The following LRBA variants were observed in gnomAD, a reference collection of about 807,000 sequenced individuals.
LRBA encodes the protein LPS responsive beige-like anchor protein, also known as lipopolysaccharide-responsive and beige-like anchor protein.
LRBA carries 176 observed loss-of-function variants against 330.0 expected under a neutral mutation model. That is an observed-to-expected ratio of 0.53 (90% confidence interval 0.47 to 0.60). The LOEUF (loss-of-function observed/expected upper bound fraction) is 0.60. Among genes scored for constraint, LRBA ranks in the 20% least tolerant of loss-of-function variants. The pLI is 0.00. For missense variants in LRBA, 3,259 were observed against 3,444.8 expected (o/e 0.95, Z 1.35); for synonymous variants, 1,230 against 1,193.0 (o/e 1.03, Z -0.64).
chr4:150,643,342 A>C (rs1452173967), intron 37 of LRBA, among the ~76,000 whole-genome samples: 1 of 151,952 alleles, frequency 6.6e-6, no homozygotes, highest in African/African-American at 2.4e-5. Context: ...AAATGTCATA[A>C]AAAGTATTAT....
At chr4:150,488,757 C>CAA (rs35641885) in intron 41 of LRBA, among the ~76,000 whole-genome samples, 26 of 144,688 alleles carry the variant, frequency 1.8e-4, no homozygotes, top group Middle Eastern at 3.4e-3. Flanking sequence ...TATTTAAAGC[C>CAA]AAAAAAAAAA....
At chr4:150,443,893 T>G (rs1362660871) in intron 44 of LRBA, among the ~76,000 whole-genome samples, 1 of 121,610 alleles carries the variant, frequency 8.2e-6, no homozygotes, top group Non-Finnish European at 1.7e-5. Flanking sequence ...TTTTTTTTTT[T>G]AAAGCCACCT....
chr4:150,795,876 A>C (rs957249162), intron 34 of LRBA, among the ~76,000 whole-genome samples: 29 of 152,094 alleles, frequency 1.9e-4, no homozygotes, highest in South Asian at 4.1e-4. Flanking sequence ...AAATAACACA[A>C]AAAGAATATA....
At chr4:150,700,534 T>A (rs1785020411) in intron 36 of LRBA, among the ~76,000 whole-genome samples, 1 of 152,194 alleles carries the variant, frequency 6.6e-6, no homozygotes, top group Non-Finnish European at 1.5e-5. Flanking sequence ...TATTACTGTA[T>A]ACTACTGTAG....
chr4:150,270,948 G>A (rs1160033988), intron 56 of LRBA, among the ~76,000 whole-genome samples: 1 of 152,228 alleles, frequency 6.6e-6, no homozygotes, highest in African/African-American at 2.4e-5. Flanking sequence ...GATCTGGTCT[G>A]CAGCTCCCAG....
chr4:150,737,143 A>G (rs1731285601), intron 35 of LRBA, among the ~76,000 whole-genome samples: 1 of 152,112 alleles, frequency 6.6e-6, no homozygotes, highest in Non-Finnish European at 1.5e-5. Flanking sequence ...ACTTGAGTCA[A>G]TGAGTTTCAA....
At chr4:150,589,023 TTA>T (rs1318330963) in intron 39 of LRBA, among the ~76,000 whole-genome samples, 2 of 146,932 alleles carry the variant, frequency 1.4e-5, no homozygotes, top group African/African-American at 5.2e-5. Flanking sequence ...TATATGTCTG[TTA>T]TGTCTGTGTG....
intron 35 of LRBA, among the ~76,000 whole-genome samples, chr4:150,755,496 A>G (rs892196086): frequency 1.1e-4 from 16 of 152,194 alleles, no homozygotes; most frequent in African/African-American, 3.9e-4. Context: ...ATTAAACACA[A>G]AACTATAATT....
intron 54 of LRBA, among the ~76,000 whole-genome samples, chr4:150,283,528 G>A (rs1279941296): frequency 6.6e-6 from 1 of 152,158 alleles, no homozygotes; most frequent in Non-Finnish European, 1.5e-5. Flanking sequence ...AATTACTCAT[G>A]GCCACATGGA....
rs187324355 is a variant in LRBA, at chr4:150,475,310, T to A, written c.6552-3571A>T. ...CTGACCTTATAGAATGAGTTGCAAG[T>A]GTTTCCTCCCTCCTATCTTCTGGAT... On this transcript the variant is annotated intron_variant, in intron 42 of 56. Coordinates refer to ENST00000651943, the MANE Select transcript of LRBA (RefSeq NM_001364905.1). Among the ~76,000 whole-genome samples the A allele has an allele frequency of 2.6e-5, 4 of 152,302 alleles. No individual in the cohort carries two copies. The East Asian group carries it at 7.7e-4, about 29-fold the overall frequency.
chr4:150,657,499 C>T (rs1780323353), intron 37 of LRBA, among the ~76,000 whole-genome samples: 2 of 151,902 alleles, frequency 1.3e-5, no homozygotes, highest in East Asian at 3.9e-4. Context: ...TGATTAATTT[C>T]CATAGAAACA....
At chr4:150,643,797 GA>G (rs1428541560) in intron 37 of LRBA, among the ~76,000 whole-genome samples, 10 of 151,750 alleles carry the variant, frequency 6.6e-5, no homozygotes, top group Non-Finnish European at 8.9e-5. Context: ...TAAATAATTG[GA>G]AAAAAAGATA....
chr4:150,850,133 G>C (rs1189760047), intron 24 of LRBA, among the ~76,000 whole-genome samples: 1 of 147,026 alleles, frequency 6.8e-6, no homozygotes, highest in Non-Finnish European at 1.5e-5. Context: ...TCGCTCTGTC[G>C]CCCAGGCCGG....
At chr4:150,413,744 C>T (rs1747341749) in intron 47 of LRBA, among the ~76,000 whole-genome samples, 1 of 152,004 alleles carries the variant, frequency 6.6e-6, no homozygotes, top group African/African-American at 2.4e-5. Flanking sequence ...GAATTGCATA[C>T]TTTAAGAAGT....
chr4:150,878,807 A>C (rs1472404087), intron 17 of LRBA, among the ~76,000 whole-genome samples: 1 of 151,926 alleles, frequency 6.6e-6, no homozygotes, highest in East Asian at 1.9e-4. Flanking sequence ...ACCAGGATTG[A>C]GCTCCGAAAC....
At chr4:150,868,439 A>G (rs1753015053) in intron 20 of LRBA, 134 bp from the exon 21 acceptor site, 2 of 472,626 alleles carry the variant, frequency 4.2e-6, no homozygotes. Flanking sequence ...CTGTTATTAA[A>G]AAAAATCACC....
intron 35 of LRBA, among the ~76,000 whole-genome samples, chr4:150,735,881 T>C (rs1448675368): frequency 1.3e-5 from 2 of 152,132 alleles, no homozygotes; most frequent in Non-Finnish European, 2.9e-5. Context: ...AGGAATCAAG[T>C]GTACCCCAGA....
chr4:150,607,108 G>A (rs1025659365), intron 37 of LRBA, among the ~76,000 whole-genome samples: 3 of 152,192 alleles, frequency 2.0e-5, no homozygotes, highest in Non-Finnish European at 4.4e-5. Context: ...CAGCTAGACA[G>A]CCTTAGGATG....
At chr4:150,449,522 G>GA (rs767614620) in intron 44 of LRBA, among the ~76,000 whole-genome samples, 1,860 of 106,386 alleles carry the variant, frequency 0.017, 22 homozygotes, top group African/African-American at 0.04. Context: ...TCTACTTCTG[G>GA]AAAAAAAAAA....
Sources: gnomAD v4.1 joint callset for allele counts (sites outside exome capture counted in the v4.1 genomes callset) on GRCh38, gnomAD v4.1.1 for gene constraint, MANE v1.5 for transcripts, NCBI Gene and HGNC (gene_info 2026-07-23, HGNC 2026-07-21) for gene names.